The following C1QTNF3 variants were observed in gnomAD, a reference collection of about 807,000 sequenced individuals.
C1QTNF3 encodes the protein C1q and TNF related 3, also known as complement C1q tumor necrosis factor-related protein 3.
A neutral mutation model predicts 32.6 loss-of-function variants in C1QTNF3; 26 were observed. The observed-to-expected ratio is 0.80, with a 90% confidence interval of 0.58 to 1.11. The LOEUF (loss-of-function observed/expected upper bound fraction) is 1.11. Ranked by LOEUF, C1QTNF3 falls within the 50% of genes least tolerant of loss-of-function variation. The pLI is 0.00. For synonymous variants in C1QTNF3, 155 were observed against 146.0 expected (o/e 1.06, Z -0.44); for missense variants, 362 against 398.2 (o/e 0.91, Z 0.77).
rs1000536419 is a variant in C1QTNF3 at position 34,019,204 on chromosome 5, T to C, written c.*1379A>G. ...AATTTCCTATGACACCTACCTACTG[T>C]TTCCTTTTTAGCATCTCAGTTTTGG... On this transcript the variant is annotated 3_prime_UTR_variant, in exon 6 of 6. Transcript: ENST00000382065. 5.9e-5 allele frequency among the ~76,000 whole-genome samples: 9 copies of C among 152,220 alleles called. No homozygotes were observed. Among genetic ancestry groups the C allele is most frequent in the Admixed American group, 1.3e-4 (2 of 15,284 alleles).
At chr5:34,164,188 A>AAACGGTGGACTCCAGAGTCCTGAAGGGGT in the C1QTNF3 span, among the ~76,000 whole-genome samples, 1 of 152,160 alleles carries the variant, frequency 6.6e-6, no homozygotes. Context: ...AATTACAGCA[A>AAACGGTGGACTCCAGAGTCCTGAAGGGGT]AACGGTGGAC....
the C1QTNF3 span, among the ~76,000 whole-genome samples, chr5:34,048,285 T>TGTGTGTGTGCGC: frequency 2.0e-5 from 2 of 98,412 alleles, no homozygotes; most frequent in African/African-American, 7.0e-5. Context: ...TGTGTGTGTG[T>TGTGTGTGTGCGC]GCATGAGAGA....
At chr5:34,218,814 T>G in the C1QTNF3 span, among the ~76,000 whole-genome samples, 8 of 152,136 alleles carry the variant, frequency 5.3e-5, no homozygotes, top group African/African-American at 1.7e-4. Flanking sequence ...GCTTTCTGAA[T>G]TTTAAAAGAA....
At chr5:34,147,830 A>G in the C1QTNF3 span, among the ~76,000 whole-genome samples, 2 of 152,222 alleles carry the variant, frequency 1.3e-5, no homozygotes, top group African/African-American at 2.4e-5. Context: ...TTGAAATTAA[A>G]AACAAAAACA....
chr5:34,074,634 G>A, the C1QTNF3 span, among the ~76,000 whole-genome samples: 9 of 151,670 alleles, frequency 5.9e-5, no homozygotes, highest in Non-Finnish European at 1.2e-4. Context: ...AATGCTCTTA[G>A]TTTGCTAACA....
chr5:34,136,966 G>A, the C1QTNF3 span, among the ~76,000 whole-genome samples: 1 of 151,892 alleles, frequency 6.6e-6, no homozygotes, highest in Admixed American at 6.6e-5. Context: ...TTGGACACAG[G>A]GTGGGGAACA....
chr5:34,060,456 GTAAAAATTTGTTA>G, the C1QTNF3 span, among the ~76,000 whole-genome samples: 32 of 152,292 alleles, frequency 2.1e-4, no homozygotes, highest in African/African-American at 7.7e-4. Flanking sequence ...AAAAGGCAGA[GTAAAAATTTGTTA>G]TAAAAAATTA....
chr5:34,074,104 TC>T, the C1QTNF3 span, among the ~76,000 whole-genome samples: 1 of 152,236 alleles, frequency 6.6e-6, no homozygotes, highest in East Asian at 1.9e-4. Flanking sequence ...TTGTGATATT[TC>T]CTAATCAATG....
chr5:34,033,325 C>T lies in C1QTNF3; in HGVS notation c.549G>A (p.Pro183=), dbSNP rs377672801. Residue 183 remains proline, a synonymous_variant, in exon 3 of 6, where the codon CCG becomes CCA. Transcript: ENST00000382065. Reference sequence around the variant, plus strand: ...TTACCTGAAGTTCTGGTGGAATCCCCGGGTAGCCCTTCTCTCCTTTGGGGC... The same window carrying T: ...TTACCTGAAGTTCTGGTGGAATCCCTGGGTAGCCCTTCTCTCCTTTGGGGC... ...QHGPKGEKGY[P]GIPPELQIAF... 1.0e-4 allele frequency: 164 copies of T among 1,613,586 alleles called. No homozygotes were observed. Among genetic ancestry groups the T allele is most frequent in the Non-Finnish European group, 1.2e-4 (144 of 1,179,804 alleles).
chr5:34,176,044 A>G, the C1QTNF3 span: 1 of 622,648 alleles, frequency 1.6e-6, no homozygotes, highest in African/African-American at 1.8e-5. Context: ...GGTGACCAAA[A>G]TATCTGTCCT....
chr5:34,020,720 C>G lies in C1QTNF3; in HGVS notation c.823G>C (p.Asp275His), dbSNP rs1331565141. The G allele has an allele frequency of 6.2e-7, 1 of 1,612,970 alleles. No individual in the cohort carries two copies. Among genetic ancestry groups the G allele is most frequent in the Non-Finnish European group, 8.5e-7 (1 of 1,179,412 alleles). The change falls in exon 6 of 6, where the codon GAT (aspartate) becomes CAT (histidine). Residue 275 changes from aspartate (D) to histidine (H), a missense_variant. Transcript: ENST00000382065. Reference sequence around the variant, plus strand: ...AGCACAGCATGATTGCTGGATGTATCTGATTTGCCCTTCATTTCATAGCTG... The same window carrying G: ...AGCACAGCATGATTGCTGGATGTATGTGATTTGCCCTTCATTTCATAGCTG... ...MYSYEMKGKS[D>H]TSSNHAVLKL...
chr5:34,020,416 C>A lies in C1QTNF3; in HGVS notation c.*167G>T. On this transcript the variant is annotated 3_prime_UTR_variant, in exon 6 of 6. Transcript: ENST00000382065. ...TATTTTGTGGTTGATTCTTCTGAGC[C>A]CCTGAATTGTCCAACATTATTGGTG... 1.3e-6 allele frequency: 1 copy of A among 760,640 alleles called. No individual in the cohort carries two copies. Among genetic ancestry groups the A allele is most frequent in the Middle Eastern group, 4.0e-4 (1 of 2,498 alleles). 47.1% of individuals were successfully genotyped at this position (760,640 alleles called of 1,614,324 possible).
chr5:34,129,012 G>A, the C1QTNF3 span, among the ~76,000 whole-genome samples: 1 of 152,066 alleles, frequency 6.6e-6, no homozygotes, highest in African/African-American at 2.4e-5. Context: ...TAACATGTTG[G>A]GGGAGGGGCC....
At chr5:34,051,946 T>C in the C1QTNF3 span, among the ~76,000 whole-genome samples, 1 of 152,358 alleles carries the variant, frequency 6.6e-6, no homozygotes, top group Admixed American at 6.5e-5. Context: ...CCTGGGTCCT[T>C]GAGTGACTGG....
At chr5:34,175,834 T>C in the C1QTNF3 span, 1 of 785,862 alleles carries the variant, frequency 1.3e-6, no homozygotes, top group Non-Finnish European at 2.3e-6. Flanking sequence ...TGGTTAGTCA[T>C]GAAATCGGCA....
chr5:34,070,152 C>A, the C1QTNF3 span, among the ~76,000 whole-genome samples: 2 of 152,142 alleles, frequency 1.3e-5, no homozygotes. Context: ...ATGAACTCCA[C>A]TTCAAGACCT....
At chr5:34,192,803 A>C in the C1QTNF3 span, 1 of 714,064 alleles carries the variant, frequency 1.4e-6, no homozygotes, top group African/African-American at 1.8e-5. Flanking sequence ...TCCACATTGA[A>C]CCCCACGTCG....
At chr5:34,075,332 A>G in the C1QTNF3 span, among the ~76,000 whole-genome samples, 1 of 151,728 alleles carries the variant, frequency 6.6e-6, no homozygotes, top group South Asian at 2.1e-4. Flanking sequence ...AATATAATTC[A>G]CAAGAGTTAA....
At chr5:34,084,837 T>G in the C1QTNF3 span, among the ~76,000 whole-genome samples, 2 of 143,722 alleles carry the variant, frequency 1.4e-5, no homozygotes, top group African/African-American at 5.6e-5. Context: ...AGCTCTTTAG[T>G]TTAATTAGAT....
Sources: allele counts gnomAD v4.1 joint callset (sites outside exome capture counted in the v4.1 genomes callset), GRCh38; gene constraint gnomAD v4.1.1; transcripts MANE v1.5; gene names NCBI Gene and HGNC (gene_info 2026-07-23, HGNC 2026-07-21).